Variants in TUSC3 observed in about 807,000 individuals in gnomAD.
The protein encoded by TUSC3 is dolichyl-diphosphooligosaccharide--protein glycosyltransferase subunit TUSC3.
In TUSC3, 45 loss-of-function variants were observed where a neutral mutation model predicts 44.8. That is an observed-to-expected ratio of 1.00 (90% confidence interval 0.79 to 1.29). TUSC3 has a LOEUF of 1.29. TUSC3 is among the 50% of genes most tolerant of loss of function. The pLI, the probability that TUSC3 is intolerant of heterozygous loss-of-function variation, is 0.00. For synonymous variants in TUSC3, 212 were observed against 152.9 expected, an observed-to-expected ratio of 1.39 and a Z score of -2.85; for missense variants, 519 against 437.9, an observed-to-expected ratio of 1.19 and a Z score of -1.65.
intron 9 of TUSC3, among the ~76,000 whole-genome samples, chr8:15,750,004 G>C (rs1260348686): frequency 1.3e-5 from 2 of 149,018 alleles, no homozygotes; most frequent in Non-Finnish European, 3.0e-5. Context: ...TTTTGAAACG[G>C]AGTCTTGCTC....
intron 1 of TUSC3, among the ~76,000 whole-genome samples, chr8:15,424,791 A>C (rs556172809): frequency 4.1e-4 from 63 of 152,166 alleles, no homozygotes; most frequent in Non-Finnish European, 7.9e-4. Flanking sequence ...GAGGGAGAAG[A>C]ATCACTTGAA....
At chr8:15,581,319 G>A (rs1215365497) in intron 1 of TUSC3, among the ~76,000 whole-genome samples, 2 of 149,072 alleles carry the variant, frequency 1.3e-5, no homozygotes, top group Non-Finnish European at 3.0e-5. Flanking sequence ...CTCTCAGCTC[G>A]TCAAAGTCAT....
chr8:15,807,599 C>A, the TUSC3 span, among the ~76,000 whole-genome samples: 1 of 152,078 alleles, frequency 6.6e-6, no homozygotes, highest in African/African-American at 2.4e-5. Context: ...TTTACTATAG[C>A]ACAGTAATTA....
intron 7 of TUSC3, among the ~76,000 whole-genome samples, chr8:15,733,152 G>GGCA (rs1177356832): frequency 6.6e-6 from 1 of 152,094 alleles, no homozygotes; most frequent in Non-Finnish European, 1.5e-5. Context: ...AGAAAAGGAA[G>GGCA]TCTTTGTGTA....
chr8:15,571,294 T>C (rs528171456), intron 1 of TUSC3, among the ~76,000 whole-genome samples: 113 of 152,242 alleles, frequency 7.4e-4, no homozygotes, highest in African/African-American at 2.6e-3. Context: ...ATACTTTCAA[T>C]TGAATACAGG....
intron 8 of TUSC3, among the ~76,000 whole-genome samples, chr8:15,744,607 A>G (rs1811326175): frequency 6.6e-6 from 1 of 152,122 alleles, no homozygotes; most frequent in Admixed American, 6.6e-5. Flanking sequence ...AAATACTTAA[A>G]AGTCTTAGGG....
At chr8:15,806,606 TCATCTTCTTCA>T in the TUSC3 span, 1 of 1,450,202 alleles carries the variant, frequency 6.9e-7, no homozygotes, top group Non-Finnish European at 9.7e-7. Context: ...AATGAAGTGA[TCATCTTCTTCA>T]GATCTTTCAG....
chr8:15,602,685 TGTG>T (rs1563128314), intron 1 of TUSC3, among the ~76,000 whole-genome samples: 3 of 151,060 alleles, frequency 2.0e-5, no homozygotes, highest in African/African-American at 7.3e-5. Flanking sequence ...TGTGTGTGTG[TGTG>T]TGTGTGTGTA....
intron 1 of TUSC3, among the ~76,000 whole-genome samples, chr8:15,583,945 A>G (rs1335581847): frequency 6.6e-6 from 1 of 152,204 alleles, no homozygotes; most frequent in Non-Finnish European, 1.5e-5. Context: ...TAGTAAGCAG[A>G]TGTGCTGAAT....
At chr8:15,720,247 C>T (rs1249433308) in intron 6 of TUSC3, among the ~76,000 whole-genome samples, 1 of 145,378 alleles carries the variant, frequency 6.9e-6, no homozygotes, top group African/African-American at 2.6e-5. Context: ...GAGAACATTT[C>T]TCATATACCT....
intron 1 of TUSC3, among the ~76,000 whole-genome samples, chr8:15,457,194 C>A (rs966677095): frequency 6.6e-6 from 1 of 150,978 alleles, no homozygotes; most frequent in Non-Finnish European, 1.5e-5. Flanking sequence ...GGAGGGTTAG[C>A]ATTAGGAGAT....
chr8:15,846,728 G>A, the TUSC3 span, among the ~76,000 whole-genome samples: 1 of 152,078 alleles, frequency 6.6e-6, no homozygotes, highest in Non-Finnish European at 1.5e-5. Flanking sequence ...GTGGGGTGAA[G>A]GGCTAGGGGA....
At chr8:15,443,483 T>C (rs1019880017) in intron 1 of TUSC3, among the ~76,000 whole-genome samples, 8 of 151,908 alleles carry the variant, frequency 5.3e-5, no homozygotes, top group African/African-American at 1.7e-4. Flanking sequence ...ACAAGAGTGG[T>C]GAAACCACCT....
At chr8:15,512,952 A>G (rs1801162628) in intron 2 of TUSC3, among the ~76,000 whole-genome samples, 1 of 98,000 alleles carries the variant, frequency 1.0e-5, no homozygotes, top group Non-Finnish European at 2.4e-5. Context: ...ATATATATAT[A>G]TATATATGAT....
intron 6 of TUSC3, among the ~76,000 whole-genome samples, chr8:15,705,992 T>C (rs1292034841): frequency 6.6e-6 from 1 of 152,044 alleles, no homozygotes; most frequent in Non-Finnish European, 1.5e-5. Flanking sequence ...AGTTAAGTAC[T>C]CTTTAAAGAT....
intron 1 of TUSC3, among the ~76,000 whole-genome samples, chr8:15,479,933 G>T (rs1415914503): frequency 1.3e-5 from 2 of 152,150 alleles, no homozygotes; most frequent in East Asian, 3.9e-4. Flanking sequence ...TTCTAAAGCT[G>T]ATGAGCAACT....
At chr8:15,687,116 A>G (rs1808668317) in intron 6 of TUSC3, among the ~76,000 whole-genome samples, 1 of 152,208 alleles carries the variant, frequency 6.6e-6, no homozygotes. Context: ...AGAGTAATTG[A>G]CATACATTAA....
At position 15,523,656 on chromosome 8, in the gene TUSC3, ATATATATATG is replaced by A. The variant is rs1268312422; in HGVS notation, n.189+40175_189+40184del. Among the ~76,000 whole-genome samples, 148 of 93,512 alleles carry A rather than the reference ATATATATATG, an allele frequency of 1.6e-3. 7 individuals are homozygous for A. Among genetic ancestry groups the A allele is most frequent in the African/African-American group, 6.8e-3 (131 of 19,314 alleles). 61.3% of individuals were successfully genotyped at this position (93,512 alleles called of 152,430 possible). The stretch of plus-strand genomic sequence containing the variant: ...TTTAAAAACATATATATATATATAT[ATATATATATG>A]TGTGTGTGTGTGTGTGTGTGTGTGT... On this transcript the variant is annotated intron_variant and non_coding_transcript_variant, in intron 2 of 5. Transcript: ENST00000503191.
chr8:15,686,461 C>A (rs549383860), intron 6 of TUSC3, among the ~76,000 whole-genome samples: 2 of 151,948 alleles, frequency 1.3e-5, no homozygotes, highest in Non-Finnish European at 2.9e-5. Flanking sequence ...AAATGACCTG[C>A]TGATTTAGTC....
Sources: gnomAD v4.1 joint callset for allele counts (sites outside exome capture counted in the v4.1 genomes callset) on GRCh38, gnomAD v4.1.1 for gene constraint, MANE v1.5 for transcripts, NCBI Gene and HGNC (gene_info 2026-07-23, HGNC 2026-07-21) for gene names.